Variants in KLHDC4 observed in about 807,000 individuals in gnomAD.
KLHDC4 encodes the protein kelch domain-containing protein 4.
KLHDC4 carries 90 observed loss-of-function variants against 62.4 expected under a neutral mutation model. The observed-to-expected ratio is 1.44, with a 90% CI of 1.22 to 1.72. KLHDC4 has a LOEUF of 1.72. Among genes scored for constraint, KLHDC4 ranks in the 40% most tolerant of loss-of-function variants. KLHDC4 has a pLI of 0.00. For synonymous variants in KLHDC4, 386 were observed against 284.4 expected (o/e 1.36, Z -3.59); for missense variants, 1,025 against 699.7 (o/e 1.47, Z -5.25).
chr16:87,756,633 C>G (rs951693463), intron 2 of KLHDC4, among the ~76,000 whole-genome samples, 156 bp from the exon 3 acceptor site: 1 of 150,470 alleles, frequency 6.6e-6, no homozygotes, highest in South Asian at 2.1e-4. Context: ...AAAGGTGCCA[C>G]TTGAACACCA....
chr16:87,751,291 T>C (rs1381570088), intron 4 of KLHDC4, among the ~76,000 whole-genome samples: 2 of 152,054 alleles, frequency 1.3e-5, no homozygotes, highest in Non-Finnish European at 2.9e-5. Flanking sequence ...CTGACCAACA[T>C]GGTGAAACCC....
intron 7 of KLHDC4, among the ~76,000 whole-genome samples, chr16:87,719,541 G>A (rs1292903034): frequency 6.6e-6 from 1 of 152,068 alleles, no homozygotes; most frequent in African/African-American, 2.4e-5. Context: ...GAAGGCCGCA[G>A]GGTCCTCTGC....
intron 7 of KLHDC4, among the ~76,000 whole-genome samples, chr16:87,725,893 G>C (rs2039284619): frequency 6.6e-6 from 1 of 152,132 alleles, no homozygotes; most frequent in African/African-American, 2.4e-5. Context: ...GGAGCGAGGA[G>C]AATTTCATTC....
Position 87,730,421 on chromosome 16 carries a change from T to C in KLHDC4, c.599+131A>G, listed in dbSNP as rs2040141650. 11 of 728,832 alleles carry C rather than the reference T, an allele frequency of 1.5e-5. No homozygotes were observed. The South Asian group carries it at 2.1e-4, about 14-fold the overall frequency. The allele number at this position is 728,832 out of a possible 1,614,324, so 45.1% of individuals were successfully genotyped here. On this transcript the variant is annotated intron_variant, in intron 6 of 11. Coordinates refer to ENST00000270583, the MANE Select transcript of KLHDC4 (RefSeq NM_017566.4). ...TTTGGAGGGCAAGGCCCTGTGTGGCTGCCCAAAGCTCATGAAGCTGGATTT... is the reference window on the plus strand; with the variant it reads ...TTTGGAGGGCAAGGCCCTGTGTGGCCGCCCAAAGCTCATGAAGCTGGATTT...
intron 1 of KLHDC4, 21 bp downstream of exon 1, chr16:87,765,771 A>C (rs777514186): frequency 6.4e-7 from 1 of 1,562,576 alleles, no homozygotes; most frequent in African/African-American, 1.4e-5. Context: ...CGGGCCGCTA[A>C]GCCCGGTCTG....
chr16:87,731,838 C>T (rs1222514151), intron 5 of KLHDC4, among the ~76,000 whole-genome samples: 1 of 152,240 alleles, frequency 6.6e-6, no homozygotes, highest in African/African-American at 2.4e-5. Flanking sequence ...GTGCTCCCCA[C>T]ATGGGGGAGG....
chr16:87,762,363 A>G (rs1409858363), intron 1 of KLHDC4, among the ~76,000 whole-genome samples: 1 of 152,148 alleles, frequency 6.6e-6, no homozygotes, highest in African/African-American at 2.4e-5. Context: ...CTCATAACCC[A>G]GACTCGAGCC....
At chr16:87,737,148 A>T (rs67231183) in intron 5 of KLHDC4, among the ~76,000 whole-genome samples, 8,435 of 150,682 alleles carry the variant, frequency 0.056, 309 homozygotes, top group South Asian at 0.15. Flanking sequence ...AACCAAGACT[A>T]ACAAGTCAGG....
At chr16:87,749,630 C>T (rs151017031) in intron 4 of KLHDC4, among the ~76,000 whole-genome samples, 470 of 152,016 alleles carry the variant, frequency 3.1e-3, no homozygotes, top group African/African-American at 7.7e-3. Flanking sequence ...ATTGCCCAGA[C>T]TGGAGTGCGG....
chr16:87,706,958 C>T (rs1373186306), downstream of KLHDC4, among the ~76,000 whole-genome samples: 1 of 152,134 alleles, frequency 6.6e-6, no homozygotes, highest in African/African-American at 2.4e-5. Context: ...ACCGGCTCCG[C>T]CAGGAGGGAA....
chr16:87,742,386 A>G (rs1180650368), intron 5 of KLHDC4, among the ~76,000 whole-genome samples: 3 of 152,196 alleles, frequency 2.0e-5, no homozygotes, highest in Non-Finnish European at 4.4e-5. Context: ...TTACAAAAGC[A>G]AAACCTACAC....
At chr16:87,702,507 C>A in exon 1 of KLHDC4, 1 of 357,612 alleles carries the variant, frequency 2.8e-6, no homozygotes, top group Middle Eastern at 3.9e-4. Context: ...CAGCAACTTC[C>A]CAGGCATGTC....
At chr16:87,743,723 G>C (rs1016803172) in intron 5 of KLHDC4, among the ~76,000 whole-genome samples, 1 of 151,946 alleles carries the variant, frequency 6.6e-6, no homozygotes, top group Non-Finnish European at 1.5e-5. Flanking sequence ...CTGGGAGACA[G>C]AGCGCGACAC....
chr16:87,756,547 C>T (rs1597383552), intron 2 of KLHDC4, 70 bp from the exon 3 acceptor site: 1 of 1,110,578 alleles, frequency 9.0e-7, no homozygotes, highest in East Asian at 2.4e-5. Context: ...TCCCCTTCCT[C>T]ACAGAATCCT....
intron 5 of KLHDC4, among the ~76,000 whole-genome samples, chr16:87,731,317 C>G (rs2040331694): frequency 6.6e-6 from 1 of 151,908 alleles, no homozygotes; most frequent in Non-Finnish European, 1.5e-5. Flanking sequence ...AGTGATCTGC[C>G]TGACTCAGAC....
At chr16:87,734,398 C>T (rs996089529) in intron 5 of KLHDC4, among the ~76,000 whole-genome samples, 1 of 152,094 alleles carries the variant, frequency 6.6e-6, no homozygotes. Flanking sequence ...TAAAAGGAAG[C>T]TTGAGTGATC....
chr16:87,757,105 G>A (rs184161213), intron 2 of KLHDC4, among the ~76,000 whole-genome samples: 2 of 151,950 alleles, frequency 1.3e-5, no homozygotes, highest in East Asian at 2.0e-4. Flanking sequence ...GTGAGCCACC[G>A]TGCCTGGACC....
chr16:87,736,443 G>T (rs2041324590), intron 5 of KLHDC4, among the ~76,000 whole-genome samples: 1 of 152,304 alleles, frequency 6.6e-6, no homozygotes, highest in South Asian at 2.1e-4. Flanking sequence ...CCGGATCCCT[G>T]AGAGTCTAGT....
intron 7 of KLHDC4, among the ~76,000 whole-genome samples, chr16:87,722,264 G>C (rs562286563): frequency 6.6e-6 from 1 of 152,208 alleles, no homozygotes; most frequent in Non-Finnish European, 1.5e-5. Context: ...CCGGTTCTTC[G>C]TGGCAGCGCA....
Sources: allele counts gnomAD v4.1 joint callset (sites outside exome capture counted in the v4.1 genomes callset), GRCh38; gene constraint gnomAD v4.1.1; transcripts MANE v1.5; gene names NCBI Gene and HGNC (gene_info 2026-07-23, HGNC 2026-07-21).